DPP6: variants seen among roughly 807,000 people sequenced by gnomAD.
DPP6 encodes dipeptidyl peptidase like 6, also known as A-type potassium channel modulatory protein DPP6.
Under a neutral mutation model 122.6 loss-of-function variants are expected in DPP6, and 69 were observed. The observed-to-expected ratio is 0.56, with a 90% confidence interval of 0.46 to 0.69. The LOEUF (loss-of-function observed/expected upper bound fraction) is 0.69, where lower values mean the gene tolerates loss of function less well. Ranked by LOEUF, DPP6 falls within the 30% of genes least tolerant of loss-of-function variation. DPP6 has a pLI of 0.00. For synonymous variants in DPP6, 418 were observed against 433.1 expected, an observed-to-expected ratio of 0.97 and a Z score of 0.43; for missense variants, 928 against 1,116.9, an observed-to-expected ratio of 0.83 and a Z score of 2.41.
At chr7:153,828,157 G>A in the DPP6 span, among the ~76,000 whole-genome samples, 5 of 152,164 alleles carry the variant, frequency 3.3e-5, no homozygotes, top group Non-Finnish European at 7.3e-5. Context: ...CCCACTGGCA[G>A]TGTCATGAGA....
At chr7:153,749,856 AT>A in the DPP6 span, among the ~76,000 whole-genome samples, 32 of 152,280 alleles carry the variant, frequency 2.1e-4, no homozygotes, top group Middle Eastern at 0.01. The surrounding 1 kb of genome is among the most constrained non-coding windows in gnomAD (Gnocchi z 4.1). Flanking sequence ...ATATTTATAT[AT>A]TTTTTTAAAT....
chr7:154,796,450 A>G (rs1301953369), intron 12 of DPP6, among the ~76,000 whole-genome samples: 1 of 152,262 alleles, frequency 6.6e-6, no homozygotes, highest in Non-Finnish European at 1.5e-5. Flanking sequence ...AAGCCCAGGT[A>G]AATCATTCTG....
intron 7 of DPP6, among the ~76,000 whole-genome samples, chr7:154,680,687 T>TATA (rs1491477801): frequency 2.0e-4 from 4 of 20,410 alleles, no homozygotes; most frequent in African/African-American, 1.6e-4. Context: ...TATATATATA[T>TATA]TTTTTTTAAA....
chr7:154,032,666 A>G (rs1256504010), intron 1 of DPP6, among the ~76,000 whole-genome samples: 2 of 150,796 alleles, frequency 1.3e-5, no homozygotes, highest in Non-Finnish European at 2.9e-5. Flanking sequence ...GACATATTTT[A>G]TCTTATATAT....
intron 16 of DPP6, among the ~76,000 whole-genome samples, chr7:154,809,147 T>A (rs144531159): frequency 6.6e-6 from 1 of 152,232 alleles, no homozygotes; most frequent in African/African-American, 2.4e-5. Flanking sequence ...AATAATGAGT[T>A]GTGATATGAA....
At chr7:153,783,671 T>C in the DPP6 span, among the ~76,000 whole-genome samples, 1 of 152,150 alleles carries the variant, frequency 6.6e-6, no homozygotes, top group Admixed American at 6.6e-5. Flanking sequence ...AAAATGACAA[T>C]AAAAACTTAC....
At chr7:153,836,355 CA>C in the DPP6 span, among the ~76,000 whole-genome samples, 1 of 151,922 alleles carries the variant, frequency 6.6e-6, no homozygotes, top group Admixed American at 6.6e-5. Flanking sequence ...GGTGGGGGTA[CA>C]GGGGGAAGAA....
At chr7:154,134,080 C>T (rs1161034081) in intron 1 of DPP6, among the ~76,000 whole-genome samples, 2 of 152,026 alleles carry the variant, frequency 1.3e-5, no homozygotes, top group East Asian at 3.9e-4. Context: ...GTGCAGTCTT[C>T]AGATTGAGAA....
At chr7:154,569,730 C>T (rs1486707412) in intron 5 of DPP6, among the ~76,000 whole-genome samples, 1 of 145,222 alleles carries the variant, frequency 6.9e-6, no homozygotes, top group East Asian at 2.1e-4. Context: ...TACCACTGCA[C>T]TAAAAAAAAA....
chr7:154,132,589 T>A (rs1447625708), intron 1 of DPP6, among the ~76,000 whole-genome samples: 1 of 152,190 alleles, frequency 6.6e-6, no homozygotes, highest in Non-Finnish European at 1.5e-5. Context: ...TCATTTCGGT[T>A]CAGTAGTCTC....
At chr7:154,443,814 T>C (rs73726873) in intron 1 of DPP6, among the ~76,000 whole-genome samples, 29,067 of 152,126 alleles carry the variant, frequency 0.19, 3,914 homozygotes, top group African/African-American at 0.39. Context: ...TTTTAATGGA[T>C]CTCCAAAGTA....
Position 154,893,145 on chromosome 7 carries a change from G to C in DPP6, c.*665G>C, listed in dbSNP as rs1396886779. The C allele has an allele frequency of 1.7e-5, 6 of 345,602 alleles. No individual in the cohort carries two copies. Among genetic ancestry groups the C allele is most frequent in the African/African-American group, 1.3e-4 (6 of 46,352 alleles). The allele number at this position is 345,602 out of a possible 1,614,324, so 21.4% of individuals were successfully genotyped here. A position where few individuals can be genotyped will look rare whatever the true frequency, so the allele number is the denominator to read the frequency against. ...CCGTCATGGGGTTGTTTTGCTGTTT[G>C]GGGTTGGGCCTTGTTTCCCTTTCCT... On this transcript the variant is annotated 3_prime_UTR_variant, in exon 26 of 26. Transcript: ENST00000377770.
intron 10 of DPP6, among the ~76,000 whole-genome samples, chr7:154,782,816 C>T (rs1274191155): frequency 3.9e-5 from 6 of 152,080 alleles, no homozygotes; most frequent in African/African-American, 1.4e-4. Flanking sequence ...CAGAGCCTCG[C>T]TCTGTCGCCC....
chr7:154,583,652 C>T (rs1225256443), intron 5 of DPP6, among the ~76,000 whole-genome samples: 1 of 152,174 alleles, frequency 6.6e-6, no homozygotes, highest in Admixed American at 6.5e-5. Flanking sequence ...AGCCCACACC[C>T]TGATCAGTCA....
intron 8 of DPP6, among the ~76,000 whole-genome samples, chr7:154,751,955 G>C (rs1843416705): frequency 6.6e-6 from 1 of 152,188 alleles, no homozygotes; most frequent in Non-Finnish European, 1.5e-5. Flanking sequence ...GATGCCAAGA[G>C]AGGGTTCTTG....
At chr7:154,060,656 G>A (rs867001566) in intron 1 of DPP6, among the ~76,000 whole-genome samples, 19 of 142,938 alleles carry the variant, frequency 1.3e-4, no homozygotes, top group African/African-American at 3.4e-4. Flanking sequence ...CACCCCCCAC[G>A]AGAGTGGCGA....
At chr7:154,145,084 TC>T (rs1796024110) in intron 1 of DPP6, among the ~76,000 whole-genome samples, 1 of 152,226 alleles carries the variant, frequency 6.6e-6, no homozygotes, top group Non-Finnish European at 1.5e-5. Flanking sequence ...AGTTGTTTAC[TC>T]AAGCACTGAT....
intron 1 of DPP6, among the ~76,000 whole-genome samples, chr7:154,367,390 T>A (rs1203987400): frequency 3.9e-5 from 6 of 152,216 alleles, no homozygotes; most frequent in Non-Finnish European, 2.9e-5. Context: ...GAACTTTTTT[T>A]TAAATTTTAT....
the DPP6 span, among the ~76,000 whole-genome samples, chr7:153,822,686 G>A: frequency 6.6e-6 from 1 of 152,062 alleles, no homozygotes; most frequent in South Asian, 2.1e-4. Context: ...AGTATGATGG[G>A]GATGATTAAA....
Sources: allele counts gnomAD v4.1 joint callset (sites outside exome capture counted in the v4.1 genomes callset), GRCh38; gene constraint gnomAD v4.1.1; non-coding constraint Gnocchi (gnomAD v3.1); transcripts MANE v1.5; gene names NCBI Gene and HGNC (gene_info 2026-07-23, HGNC 2026-07-21).